THSD7A: variants seen among roughly 807,000 people sequenced by gnomAD.
THSD7A encodes thrombospondin type 1 domain containing 7A.
THSD7A carries 96 observed loss-of-function variants against 231.3 expected under a neutral mutation model. The ratio of observed to expected loss-of-function variants is 0.41; its 90% CI spans 0.35 to 0.49. The LOEUF is 0.49. Ranked by LOEUF, THSD7A falls within the 20% of genes least tolerant of loss-of-function variation. The probability of loss-of-function intolerance (pLI) is 0.05; values close to 1 mark genes in which losing one functional copy is unlikely to be tolerated. For synonymous variants in THSD7A, 940 were observed against 743.3 expected, an observed-to-expected ratio of 1.26 and a Z score of -4.30; for missense variants, 2,290 against 2,070.2, an observed-to-expected ratio of 1.11 and a Z score of -2.06.
In THSD7A at chr7:11,593,368, C is replaced by T. The variant is rs375660270; in HGVS notation, c.1157G>A (p.Arg386His). 4.5e-5 allele frequency: 73 copies of T among 1,614,000 alleles called. No homozygotes were observed. The African/African-American group carries it at 7.7e-4, about 17-fold the overall frequency. The change falls in exon 3 of 28, where the codon CGT (arginine) becomes CAT (histidine). Residue 386 changes from arginine to histidine, a missense_variant. Transcript: ENST00000423059. ...CHDMVSPAGT[R>H]VRTRTIRQFP... is the part of the protein sequence containing the mutation. Reference sequence around the variant, plus strand: ...CTGCCTGATGGTTCGTGTCCTTACACGAGTGCCTGCAGGGGACACCATGTC... The same window carrying T: ...CTGCCTGATGGTTCGTGTCCTTACATGAGTGCCTGCAGGGGACACCATGTC...
intron 6 of THSD7A, among the ~76,000 whole-genome samples, chr7:11,532,269 C>T (rs739754): frequency 0.082 from 12,534 of 152,146 alleles, 796 homozygotes; most frequent in East Asian, 0.18. Context: ...AGAAACTACC[C>T]ACCCAACCCA....
chr7:11,515,555 G>A (rs1787995824), intron 6 of THSD7A, among the ~76,000 whole-genome samples: 1 of 151,998 alleles, frequency 6.6e-6, no homozygotes, highest in Admixed American at 6.6e-5. Context: ...ATCATCTACT[G>A]ATTATGAAAA....
chr7:11,763,505 C>A (rs969367513), intron 1 of THSD7A, among the ~76,000 whole-genome samples: 1 of 152,118 alleles, frequency 6.6e-6, no homozygotes, highest in East Asian at 1.9e-4. Flanking sequence ...TCTATATACA[C>A]ATACACATAA....
At chr7:11,516,476 C>T (rs902679589) in intron 6 of THSD7A, among the ~76,000 whole-genome samples, 1 of 152,120 alleles carries the variant, frequency 6.6e-6, no homozygotes, top group Non-Finnish European at 1.5e-5. Context: ...TATTATAGTG[C>T]CTCATCCCCA....
intron 1 of THSD7A, among the ~76,000 whole-genome samples, chr7:11,756,222 T>C (rs1415296538): frequency 1.3e-5 from 2 of 152,196 alleles, no homozygotes; most frequent in African/African-American, 2.4e-5. Flanking sequence ...TACTCATAAA[T>C]CTATTAATTT....
chr7:11,703,488 A>C (rs558937247), intron 1 of THSD7A, among the ~76,000 whole-genome samples: 134 of 151,294 alleles, frequency 8.9e-4, no homozygotes, highest in Non-Finnish European at 1.8e-3. Flanking sequence ...CTCTCTCATT[A>C]ATCACAATTC....
At chr7:11,807,412 G>A (rs972026489) in intron 1 of THSD7A, among the ~76,000 whole-genome samples, 1 of 152,124 alleles carries the variant, frequency 6.6e-6, no homozygotes, top group African/African-American at 2.4e-5. Flanking sequence ...GGGGTATTAA[G>A]AGGGACTATA....
chr7:11,519,483 G>A (rs1026858690), intron 6 of THSD7A, among the ~76,000 whole-genome samples: 1 of 152,140 alleles, frequency 6.6e-6, no homozygotes, highest in African/African-American at 2.4e-5. Flanking sequence ...ACTTCGCTAG[G>A]TACTGGCACA....
intron 6 of THSD7A, among the ~76,000 whole-genome samples, chr7:11,518,889 A>T (rs1401665072): frequency 6.6e-6 from 1 of 152,192 alleles, no homozygotes; most frequent in African/African-American, 2.4e-5. Context: ...TATTTCATTC[A>T]TGGACCTTTA....
intron 1 of THSD7A, among the ~76,000 whole-genome samples, chr7:11,753,895 C>T (rs1054275615): frequency 2.0e-5 from 3 of 151,860 alleles, no homozygotes; most frequent in Admixed American, 1.3e-4. Flanking sequence ...ACAGAATTCA[C>T]TTATGAATAC....
At chr7:11,472,042 G>A (rs1410036617) in intron 8 of THSD7A, among the ~76,000 whole-genome samples, 2 of 152,088 alleles carry the variant, frequency 1.3e-5, no homozygotes, top group Non-Finnish European at 2.9e-5. Context: ...AATAGTCACA[G>A]CAAGATACTT....
chr7:11,590,355 A>G lies in THSD7A; in HGVS notation c.1453+105T>C. 1 of 1,175,270 alleles carries G rather than the reference A, an allele frequency of 8.5e-7. No homozygotes were observed. The allele number at this position is 1,175,270 out of a possible 1,614,324, so 72.8% of individuals were successfully genotyped here. On this transcript the variant is annotated intron_variant, in intron 4 of 27. Coordinates refer to ENST00000423059, the MANE Select transcript of THSD7A (RefSeq NM_015204.3). The surrounding 1 kb of genome is among the most constrained non-coding windows in gnomAD (Gnocchi z 4.4). ...GAATACCAACCACAATGTGAACAGA[A>G]ATGCAGCCCTCATAACCTGGATGGC...
At chr7:11,433,839 G>GAGAT (rs1784551958) in intron 13 of THSD7A, among the ~76,000 whole-genome samples, 1 of 151,896 alleles carries the variant, frequency 6.6e-6, no homozygotes, top group African/African-American at 2.4e-5. Flanking sequence ...ATTAAGGAAG[G>GAGAT]AGATACAAAA....
chr7:11,621,271 G>A (rs117113033), intron 2 of THSD7A, among the ~76,000 whole-genome samples: 8 of 152,174 alleles, frequency 5.3e-5, no homozygotes, highest in African/African-American at 1.9e-4. Flanking sequence ...TCCATTATAC[G>A]TTTCACTCAA....
chr7:11,725,157 T>C (rs537098614), intron 1 of THSD7A, among the ~76,000 whole-genome samples: 2 of 152,126 alleles, frequency 1.3e-5, no homozygotes, highest in South Asian at 2.1e-4. Context: ...TGCTCTTTTA[T>C]AACAAAATGC....
chr7:11,656,143 C>T (rs1360210480), intron 1 of THSD7A, among the ~76,000 whole-genome samples: 1 of 151,816 alleles, frequency 6.6e-6, no homozygotes, highest in Admixed American at 6.6e-5. Context: ...ATTTAGGTTG[C>T]ATTTGAAGAT....
intron 11 of THSD7A, among the ~76,000 whole-genome samples, chr7:11,452,215 T>C (rs1318360404): frequency 6.6e-6 from 1 of 151,894 alleles, no homozygotes; most frequent in African/African-American, 2.4e-5. Context: ...AAAATGGCAA[T>C]AGCGAGAATG....
intron 4 of THSD7A, among the ~76,000 whole-genome samples, chr7:11,548,914 G>C (rs570128014): frequency 6.6e-6 from 1 of 151,080 alleles, no homozygotes; most frequent in South Asian, 2.1e-4. Context: ...AAAGCTGTAA[G>C]TATTCACCTT....
chr7:11,470,589 A>T (rs574968798), intron 8 of THSD7A, among the ~76,000 whole-genome samples: 4 of 151,830 alleles, frequency 2.6e-5, no homozygotes, highest in African/African-American at 7.2e-5. Context: ...TTTTTGCTTT[A>T]TTCCTGCTTT....
Sources: allele counts gnomAD v4.1 joint callset (sites outside exome capture counted in the v4.1 genomes callset), GRCh38; gene constraint gnomAD v4.1.1; non-coding constraint Gnocchi (gnomAD v3.1); transcripts MANE v1.5; gene names NCBI Gene and HGNC (gene_info 2026-07-23, HGNC 2026-07-21).